The following LINGO2 variants were observed in gnomAD, a reference collection of about 807,000 sequenced individuals.
LINGO2 encodes the protein leucine rich repeat and Ig domain containing 2.
LINGO2 carries 14 observed loss-of-function variants against 30.6 expected under a neutral mutation model. That is an observed-to-expected ratio of 0.46 (90% CI 0.30 to 0.72). The LOEUF (loss-of-function observed/expected upper bound fraction) is 0.72, where lower values mean the gene tolerates loss of function less well. Among genes scored for constraint, LINGO2 ranks in the 30% least tolerant of loss-of-function variants. LINGO2 has a pLI of 0.07. For synonymous variants in LINGO2, 317 were observed against 288.5 expected, an observed-to-expected ratio of 1.10 and a Z score of -1.00; for missense variants, 729 against 751.7, an observed-to-expected ratio of 0.97 and a Z score of 0.35.
At chr9:29,049,912 T>C in the LINGO2 span, among the ~76,000 whole-genome samples, 1 of 152,126 alleles carries the variant, frequency 6.6e-6, no homozygotes, top group Non-Finnish European at 1.5e-5. Context: ...TAGTCAATAA[T>C]AACTTAATTA....
the LINGO2 span, among the ~76,000 whole-genome samples, chr9:28,870,498 A>AT: frequency 6.6e-6 from 1 of 152,014 alleles, no homozygotes; most frequent in East Asian, 1.9e-4. Context: ...TTCTATCAGG[A>AT]CCCCACAGAC....
At chr9:29,120,362 A>G in the LINGO2 span, among the ~76,000 whole-genome samples, 19 of 152,076 alleles carry the variant, frequency 1.2e-4, no homozygotes, top group Admixed American at 3.3e-4. Context: ...ATGTCATTAA[A>G]ATTTGGGGGA....
chr9:29,048,068 G>A, the LINGO2 span, among the ~76,000 whole-genome samples: 2 of 151,980 alleles, frequency 1.3e-5, no homozygotes, highest in Admixed American at 6.6e-5. Flanking sequence ...CTGAGATCAC[G>A]CCACTGCACT....
intron 4 of LINGO2, among the ~76,000 whole-genome samples, chr9:28,281,213 G>A (rs923618673): frequency 6.6e-6 from 1 of 152,014 alleles, no homozygotes; most frequent in Non-Finnish European, 1.5e-5. Context: ...CTGCTAGCAG[G>A]AAGATAACTT....
the LINGO2 span, among the ~76,000 whole-genome samples, chr9:29,133,319 T>A: frequency 1.8e-4 from 27 of 152,322 alleles, no homozygotes; most frequent in African/African-American, 6.3e-4. Flanking sequence ...CTATACTACT[T>A]TATTTCTCAT....
intron 1 of LINGO2, among the ~76,000 whole-genome samples, chr9:28,570,932 A>G (rs1028277495): frequency 3.3e-5 from 5 of 151,990 alleles, no homozygotes; most frequent in African/African-American, 1.2e-4. Flanking sequence ...TTTAAATTGT[A>G]ACAACAAATC....
chr9:28,868,767 G>C, the LINGO2 span, among the ~76,000 whole-genome samples: 1 of 152,098 alleles, frequency 6.6e-6, no homozygotes, highest in African/African-American at 2.4e-5. Flanking sequence ...TTTGGTTCCT[G>C]TGGGTTGAGT....
intron 4 of LINGO2, among the ~76,000 whole-genome samples, chr9:28,280,175 T>G (rs115837260): frequency 2.2e-4 from 33 of 152,230 alleles, no homozygotes; most frequent in African/African-American, 7.9e-4. Context: ...GCAAAAGTAG[T>G]GTGCGGAAAA....
chr9:27,964,678 A>G (rs1265610335), intron 5 of LINGO2, among the ~76,000 whole-genome samples: 2 of 152,082 alleles, frequency 1.3e-5, no homozygotes, highest in Admixed American at 6.6e-5. Context: ...GAACTGTGCT[A>G]TAGATAACTT....
intron 1 of LINGO2, among the ~76,000 whole-genome samples, chr9:28,613,917 C>A (rs1028969707): frequency 2.6e-5 from 4 of 151,540 alleles, no homozygotes; most frequent in South Asian, 2.1e-4. Flanking sequence ...GAATGGATAC[C>A]CAACTTTGAA....
At chr9:28,066,775 T>C (rs972369412) in intron 4 of LINGO2, among the ~76,000 whole-genome samples, 1 of 152,094 alleles carries the variant, frequency 6.6e-6, no homozygotes, top group Non-Finnish European at 1.5e-5. Context: ...TGCTTTAAAT[T>C]CCTGGGAGAC....
chr9:27,940,099 A>T, the LINGO2 span: 10 of 152,240 alleles, frequency 6.6e-5, no homozygotes, highest in Non-Finnish European at 1.2e-4. Context: ...TAGAATAGGG[A>T]GAATCCACAT....
the LINGO2 span, among the ~76,000 whole-genome samples, chr9:29,181,983 A>G: frequency 6.6e-6 from 1 of 152,160 alleles, no homozygotes. Context: ...TCTGTGAATA[A>G]CACCCCCTGG....
the LINGO2 span, among the ~76,000 whole-genome samples, chr9:28,919,062 A>G: frequency 5.3e-5 from 8 of 152,284 alleles, no homozygotes; most frequent in Non-Finnish European, 1.2e-4. Context: ...TAATACTTCA[A>G]TGCAGACATT....
intron 4 of LINGO2, among the ~76,000 whole-genome samples, chr9:28,164,484 TTAAA>T (rs1394551135): frequency 2.0e-5 from 3 of 152,108 alleles, no homozygotes; most frequent in African/African-American, 7.2e-5. Context: ...AAGAGAGCAA[TTAAA>T]TAATTTTCCC....
intron 4 of LINGO2, among the ~76,000 whole-genome samples, chr9:28,284,158 T>C (rs1225174813): frequency 6.6e-6 from 1 of 152,130 alleles, no homozygotes; most frequent in East Asian, 1.9e-4. Context: ...TCCCTTCCAA[T>C]GTCTGCTTCC....
chr9:28,611,271 GT>G (rs1825903477), intron 1 of LINGO2, among the ~76,000 whole-genome samples: 1 of 152,086 alleles, frequency 6.6e-6, no homozygotes, highest in African/African-American at 2.4e-5. Context: ...ATGATGTGAT[GT>G]TTTGATATAG....
intron 3 of LINGO2, among the ~76,000 whole-genome samples, chr9:28,358,210 T>G (rs1015825152): frequency 1.3e-5 from 2 of 152,154 alleles, no homozygotes; most frequent in African/African-American, 4.8e-5. Flanking sequence ...ATTAACTAAT[T>G]TAATTCTATG....
chr9:29,055,949 C>CACATAT, the LINGO2 span, among the ~76,000 whole-genome samples: 17,409 of 120,128 alleles, frequency 0.14, 2,218 homozygotes, highest in Non-Finnish European at 0.17. Context: ...TGTATATATA[C>CACATAT]ATATATATGT....
Sources: gnomAD v4.1 joint callset for allele counts (sites outside exome capture counted in the v4.1 genomes callset) on GRCh38, gnomAD v4.1.1 for gene constraint, MANE v1.5 for transcripts, NCBI Gene and HGNC (gene_info 2026-07-23, HGNC 2026-07-21) for gene names.